ERG: variants seen among roughly 807,000 people sequenced by gnomAD.
ERG encodes the protein transcriptional regulator ERG.
A neutral mutation model predicts 55.3 loss-of-function variants in ERG; 9 were observed. The ratio of observed to expected loss-of-function variants is 0.16; its 90% CI spans 0.10 to 0.28. ERG has a LOEUF of 0.28. ERG is among the 10% of genes least tolerant of loss of function. The pLI is 1.00. For missense variants in ERG, 434 were observed against 631.6 expected, an observed-to-expected ratio of 0.69 and a Z score of 3.35; for synonymous variants, 223 against 237.3, an observed-to-expected ratio of 0.94 and a Z score of 0.55.
the ERG span, among the ~76,000 whole-genome samples, chr21:38,371,449 G>A: frequency 6.6e-6 from 1 of 151,596 alleles, no homozygotes; most frequent in East Asian, 1.9e-4. Context: ...TCTTTTTCTT[G>A]TTCTTGACAG....
intron 3 of ERG, among the ~76,000 whole-genome samples, chr21:38,404,134 C>T (rs991416862): frequency 4.6e-5 from 7 of 152,154 alleles, no homozygotes; most frequent in African/African-American, 1.2e-4. Flanking sequence ...CCACACATAT[C>T]AGGAAGGTGC....
rs534656531 is a variant in ERG at position 38,391,604 on chromosome 21, T to A, written c.871+55A>T. 2.2e-6 allele frequency: 3 copies of A among 1,380,034 alleles called. No homozygotes were observed. In the South Asian group the frequency reaches 3.7e-5, roughly 17 times the overall value. 85.5% of individuals were successfully genotyped at this position (1,380,034 alleles called of 1,614,324 possible). A position where few individuals can be genotyped will look rare whatever the true frequency, so the allele number is the denominator to read the frequency against. ...TAAAAAGTGAAGCATTTTAGAAATG[T>A]GCTGCTGAGCCTGAATCTTCTCTTA... On this transcript the variant is annotated intron_variant, in intron 8 of 9. Coordinates refer to ENST00000288319, the MANE Select transcript of ERG (RefSeq NM_182918.4).
chr21:38,408,964 C>T (rs182994262), intron 3 of ERG, among the ~76,000 whole-genome samples: 2 of 152,258 alleles, frequency 1.3e-5, no homozygotes, highest in African/African-American at 4.8e-5. Context: ...AACTGGACCT[C>T]ATTTTTCTCT....
At chr21:38,499,517 A>T (rs2059405301), upstream of ERG, among the ~76,000 whole-genome samples, 1 of 151,952 alleles carries the variant, frequency 6.6e-6, no homozygotes, top group Non-Finnish European at 1.5e-5. Context: ...TCAATAGGCG[A>T]CCCCAAGAAC....
intron 1 of ERG, among the ~76,000 whole-genome samples, chr21:38,461,418 G>T (rs12329744): frequency 7.2e-5 from 11 of 152,116 alleles, no homozygotes; most frequent in Non-Finnish European, 1.3e-4. Context: ...GGTCCTGGGG[G>T]TTAGGACTTC....
intron 2 of ERG, among the ~76,000 whole-genome samples, chr21:38,514,699 C>T (rs955663932): frequency 1.3e-5 from 2 of 151,858 alleles, no homozygotes; most frequent in Admixed American, 6.6e-5. Context: ...GACAAAGAAG[C>T]CCCACATATT....
At chr21:38,392,532 A>G (rs1363632925) in intron 6 of ERG, 88 bp from the exon 7 acceptor site, 9 of 980,074 alleles carry the variant, frequency 9.2e-6, no homozygotes, top group South Asian at 2.2e-5. Flanking sequence ...TGTATTTATT[A>G]GAATAAACTT....
chr21:38,407,831 T>A lies in ERG; in HGVS notation c.389-4122A>T, dbSNP rs964781594. Among the ~76,000 whole-genome samples, 3 of 146,456 alleles carry A rather than the reference T, an allele frequency of 2.0e-5. No homozygotes were observed. The East Asian group carries it at 5.9e-4, about 29-fold the overall frequency. On this transcript the variant is annotated intron_variant, in intron 3 of 9. Coordinates refer to ENST00000288319, the MANE Select transcript of ERG (RefSeq NM_182918.4). The stretch of plus-strand genomic sequence containing the variant: ...AGCATTTTATAAAAAGTATAAAAAA[T>A]AAAACTACTAAAATACTTTATAAAA...
chr21:38,493,685 A>G (rs1263363868), intron 1 of ERG, among the ~76,000 whole-genome samples: 6 of 152,168 alleles, frequency 3.9e-5, no homozygotes, highest in Non-Finnish European at 8.8e-5. Flanking sequence ...TCAGAACAGG[A>G]CGAAGCCAAC....
chr21:38,645,191 C>T lies in ERG; in HGVS notation c.-150+16467G>A, dbSNP rs114281195. Among the ~76,000 whole-genome samples the T allele has an allele frequency of 5.5e-3, 835 of 152,152 alleles. 3 individuals carry two copies. Among genetic ancestry groups the T allele is most frequent in the African/African-American group, 0.019 (790 of 41,508 alleles). On this transcript the variant is annotated intron_variant, in intron 1 of 10. Transcript: ENST00000398910. ...AATAAACGATTTTAAAAATTTTAAA[C>T]CCTTAAAAATAAGTAAATAATAAAT...
At chr21:38,513,194 T>C (rs774056030) in intron 2 of ERG, among the ~76,000 whole-genome samples, 2 of 152,030 alleles carry the variant, frequency 1.3e-5, no homozygotes, top group African/African-American at 2.4e-5. Context: ...TATATTAATA[T>C]AGCTACAAAG....
intron 2 of ERG, among the ~76,000 whole-genome samples, chr21:38,434,076 C>T (rs1334735767): frequency 6.6e-6 from 1 of 152,182 alleles, no homozygotes; most frequent in African/African-American, 2.4e-5. Context: ...AACCTAACCC[C>T]CATCATGGCC....
intron 1 of ERG, among the ~76,000 whole-genome samples, chr21:38,599,102 G>C (rs1184108888): frequency 6.6e-6 from 1 of 152,218 alleles, no homozygotes; most frequent in Non-Finnish European, 1.5e-5. Context: ...ACAGGGGCTA[G>C]TGACTGCCTT....
At chr21:38,630,125 T>A (rs1456817787) in intron 1 of ERG, among the ~76,000 whole-genome samples, 1 of 152,072 alleles carries the variant, frequency 6.6e-6, no homozygotes, top group Non-Finnish European at 1.5e-5. Context: ...GGAATTAGTG[T>A]TCAACAGGTA....
intron 1 of ERG, among the ~76,000 whole-genome samples, chr21:38,630,331 G>A (rs550908740): frequency 1.3e-5 from 2 of 152,156 alleles, no homozygotes; most frequent in African/African-American, 4.8e-5. Flanking sequence ...AAAACAAGCA[G>A]ATAGGCCTGG....
At chr21:38,490,636 C>G (rs144269975) in intron 1 of ERG, among the ~76,000 whole-genome samples, 1 of 152,220 alleles carries the variant, frequency 6.6e-6, no homozygotes, top group Admixed American at 6.5e-5. Flanking sequence ...GCTCCCCCTG[C>G]GTCCTGGCAG....
intron 2 of ERG, among the ~76,000 whole-genome samples, chr21:38,533,770 G>A (rs1294711879): frequency 6.6e-6 from 1 of 152,212 alleles, no homozygotes; most frequent in Non-Finnish European, 1.5e-5. Context: ...AACGTGGAAA[G>A]TTTCAGAGCC....
intron 2 of ERG, among the ~76,000 whole-genome samples, chr21:38,503,548 G>A (rs943830004): frequency 6.6e-6 from 1 of 152,018 alleles, no homozygotes; most frequent in Non-Finnish European, 1.5e-5. Flanking sequence ...CTCGGCATTC[G>A]GGAAGCCTAT....
chr21:38,484,115 TCTTGACGC>T (rs1432729677), intron 1 of ERG, among the ~76,000 whole-genome samples: 1 of 152,098 alleles, frequency 6.6e-6, no homozygotes, highest in Admixed American at 6.5e-5. Flanking sequence ...GAGTTACTGG[TCTTGACGC>T]CTGGCTAATT....
Sources: gnomAD v4.1 joint callset for allele counts (sites outside exome capture counted in the v4.1 genomes callset) on GRCh38, gnomAD v4.1.1 for gene constraint, MANE v1.5 for transcripts, NCBI Gene and HGNC (gene_info 2026-07-23, HGNC 2026-07-21) for gene names.